SLC46A1: variants seen among roughly 807,000 people sequenced by gnomAD.
SLC46A1 encodes proton-coupled folate transporter.
A neutral mutation model predicts 32.1 loss-of-function variants in SLC46A1; 17 were observed. That is an observed-to-expected ratio of 0.53 (90% CI 0.36 to 0.79). SLC46A1 has a LOEUF of 0.79. Among genes scored for constraint, SLC46A1 ranks in the 30% least tolerant of loss-of-function variants. The pLI is 0.00. For missense variants in SLC46A1, 517 were observed against 588.2 expected (o/e 0.88, Z 1.25); for synonymous variants, 240 against 262.7 (o/e 0.91, Z 0.84).
At position 28,396,321 on chromosome 17, in the gene SLC46A1, C is replaced by T. The variant is rs1179473152; in HGVS notation, c.*3335G>A. 3 of 1,611,408 alleles carry T rather than the reference C, an allele frequency of 1.9e-6. No homozygotes were observed. In the African/African-American group the frequency reaches 4.0e-5, roughly 22 times the overall value. ...AGTTCCCCAGCCCTGCTGTGACTTCCATTTCCATCGTCCTTTCTGAAGGAA... is the reference window on the plus strand; with the variant it reads ...AGTTCCCCAGCCCTGCTGTGACTTCTATTTCCATCGTCCTTTCTGAAGGAA... On this transcript the variant is annotated 3_prime_UTR_variant, in exon 5 of 5. Transcript: ENST00000612814.
rs1555590947 is a variant in SLC46A1, at chr17:28,405,346, T to C, written c.351A>G (p.Leu117=). The change falls in exon 2 of 5, where the codon CTA becomes CTG. Residue 117 remains leucine, a synonymous_variant. Transcript: ENST00000612814. ...GCAGCAGGCCCAGCGAGGCCAGCAC[T>C]AGCAGCGGGCGGCGGCCCACACTGT... ...WSDSVGRRPL[L]VLASLGLLLQ... 3 of 1,589,436 alleles carry C rather than the reference T, an allele frequency of 1.9e-6. No homozygotes were observed. The highest frequency in any genetic ancestry group is 2.3e-5 in the South Asian group (2 of 87,324).
At position 28,400,659 on chromosome 17, in the gene SLC46A1, G is replaced by A; in HGVS notation, c.1273C>T (p.Pro425Ser). 2 of 1,613,690 alleles carry A rather than the reference G, an allele frequency of 1.2e-6. No homozygotes were observed. The highest frequency in any genetic ancestry group is 2.2e-5 in the East Asian group (1 of 44,880). ...PATLNFMKGF[P>S]FLLGAGLLLI... The stretch of plus-strand genomic sequence containing the variant: ...AGGAGGCCAGCTCCCAGGAGGAAGG[G>A]GAACCCCTTCATAAAGTTCAGAGTG... Residue 425 changes from proline to serine, a missense_variant, in exon 4 of 5, where the codon CCC becomes TCC. By Grantham distance (74) the Pro-to-Ser change is moderately conservative. Coordinates refer to ENST00000612814, the MANE Select transcript of SLC46A1 (RefSeq NM_080669.6).
In SLC46A1 at chr17:28,399,688, G is replaced by A. The variant is rs370669989; in HGVS notation, c.1348C>T (p.Leu450Phe). 81 of 1,613,994 alleles carry A rather than the reference G, an allele frequency of 5.0e-5. No homozygotes were observed. Among genetic ancestry groups the A allele is most frequent in the Non-Finnish European group, 6.2e-5 (73 of 1,179,894 alleles). ...IGMLEKADPH[L>F]EFQQFPQSP ...CTCTGGGGAAACTGCTGGAACTCGA[G>A]GTGAGGATCAGCCTTTTCCAGCATC... is the stretch of plus-strand genomic sequence containing the variant. The change falls in exon 5 of 5, where the codon CTC becomes TTC. Residue 450 changes from leucine (L) to phenylalanine (F), a missense_variant. Leu to Phe is a conservative substitution (Grantham distance 22). Transcript: ENST00000612814.
intron 1 of SLC46A1, 22 bp from the exon 2 acceptor site, chr17:28,405,490 G>C (rs1555591102): frequency 6.3e-7 from 1 of 1,592,014 alleles, no homozygotes; most frequent in South Asian, 1.1e-5. Flanking sequence ...CAATGACCAG[G>C]GTGCGGTTCC....
Position 28,405,967 on chromosome 17 carries a change from G to C in SLC46A1, c.148C>G (p.Arg50Gly). Reference protein sequence around the residue: ...GPLTTQYLWHRFSADLGYNGT... With the variant: ...GPLTTQYLWHGFSADLGYNGT... The stretch of plus-strand genomic sequence containing the variant: ...TTGTAGCCGAGGTCGGCGCTGAAGC[G>C]GTGCCACAGATACTGCGTGGTGAGC... Residue 50 changes from arginine to glycine, a missense_variant, in exon 1 of 5, where the codon CGC becomes GGC. By Grantham distance (125) the Arg-to-Gly change is moderately radical. Coordinates refer to ENST00000612814, the MANE Select transcript of SLC46A1 (RefSeq NM_080669.6). The C allele has an allele frequency of 1.2e-6, 2 of 1,611,770 alleles. No homozygotes were observed. Among genetic ancestry groups the C allele is most frequent in the Non-Finnish European group, 1.7e-6 (2 of 1,179,306 alleles).
chr17:28,405,806 TTA>T, intron 1 of SLC46A1, 79 bp downstream of exon 1: 1 of 1,412,152 alleles, frequency 7.1e-7, no homozygotes, highest in Non-Finnish European at 9.5e-7. Context: ...GCCACTACCA[TTA>T]CGCAGGCCCC....
In SLC46A1 at chr17:28,400,595, A is replaced by C; in HGVS notation, c.1322+15T>G. On this transcript the variant is annotated intron_variant, in intron 4 of 4. Transcript: ENST00000612814. ...AGGGCTCCATTATGAGCATGGGTTC[A>C]GGGCCCTGCATTACCCAATCAGAAC... 1 of 1,613,502 alleles carries C rather than the reference A, an allele frequency of 6.2e-7. No homozygotes were observed. Among genetic ancestry groups the C allele is most frequent in the Non-Finnish European group, 8.5e-7 (1 of 1,179,706 alleles).
At position 28,395,725 on chromosome 17, in the gene SLC46A1, A is replaced by T. The variant is rs1328686726; in HGVS notation, c.*3931T>A. 8.0e-6 allele frequency: 5 copies of T among 627,808 alleles called. No homozygotes were observed. Among genetic ancestry groups the T allele is most frequent in the Non-Finnish European group, 1.1e-5 (4 of 366,214 alleles). 38.9% of individuals were successfully genotyped at this position (627,808 alleles called of 1,614,324 possible). The stretch of plus-strand genomic sequence containing the variant: ...GCTCTGTGCCAGGAACTCTGGGCAA[A>T]GGAAAAATATTTATTTTTTATTACA... On this transcript the variant is annotated 3_prime_UTR_variant, in exon 5 of 5. Coordinates refer to ENST00000612814, the MANE Select transcript of SLC46A1 (RefSeq NM_080669.6).
chr17:28,400,776 A>G lies in SLC46A1; in HGVS notation c.1166-10T>C, dbSNP rs1555589438. The G allele has an allele frequency of 1.3e-6, 2 of 1,556,250 alleles. No individual in the cohort carries two copies. The highest frequency in any genetic ancestry group is 2.4e-5 in the South Asian group (2 of 84,566). On this transcript the variant is annotated splice_polypyrimidine_tract_variant and intron_variant, in intron 3 of 4. Transcript: ENST00000612814. ...GCAGAAAAGAGAGCACCTGTGAAGAAATAAATACCATACTCTGGAGTCCGA... is the reference window on the plus strand; with the variant it reads ...GCAGAAAAGAGAGCACCTGTGAAGAGATAAATACCATACTCTGGAGTCCGA...
intron 2 of SLC46A1, 180 bp downstream of exon 2, chr17:28,404,436 T>C (rs1302257226): frequency 4.1e-6 from 3 of 723,172 alleles, no homozygotes; most frequent in Admixed American, 5.1e-5. Context: ...ATATTTTCCA[T>C]GTATCAAAGA....
Position 28,396,074 on chromosome 17 carries a change from T to G in SLC46A1, c.*3582A>C, listed in dbSNP as rs554361394. 3 of 1,613,496 alleles carry G rather than the reference T, an allele frequency of 1.9e-6. No homozygotes were observed. In the African/African-American group the frequency reaches 4.0e-5, roughly 22 times the overall value. ...CAGGGGGGTAGGGTACAAATCACCA[T>G]GACAGGCAGAGTGTGGGCAAACAGC... On this transcript the variant is annotated 3_prime_UTR_variant, in exon 5 of 5. Coordinates refer to ENST00000612814, the MANE Select transcript of SLC46A1 (RefSeq NM_080669.6).
intron 3 of SLC46A1, chr17:28,401,137 C>T: frequency 3.0e-6 from 1 of 332,738 alleles, no homozygotes; most frequent in South Asian, 2.7e-5. Flanking sequence ...GGATTAACTG[C>T]TGGTCTGATC....
intron 4 of SLC46A1, 128 bp from the exon 5 acceptor site, chr17:28,399,841 A>G (rs2068174960): frequency 1.1e-5 from 9 of 853,192 alleles, no homozygotes; most frequent in African/African-American, 1.7e-5. Context: ...TCCTTCCCCA[A>G]GCTGAGAAGC....
rs781813444 is a variant in SLC46A1, at chr17:28,396,049, CA to C, written c.*3606del. 20 of 1,613,624 alleles carry C rather than the reference CA, an allele frequency of 1.2e-5. No individual in the cohort carries two copies. In the African/African-American group the frequency reaches 1.6e-4, roughly 13 times the overall value. On this transcript the variant is annotated 3_prime_UTR_variant, in exon 5 of 5. Coordinates refer to ENST00000612814, the MANE Select transcript of SLC46A1 (RefSeq NM_080669.6). Reference sequence around the variant, plus strand: ...CAAGTGAGCCCCAGGGCCCTGGGACCAGGGGGGTAGGGTACAAATCACCATG... The same window carrying C: ...CAAGTGAGCCCCAGGGCCCTGGGACCGGGGGGTAGGGTACAAATCACCATG...
At position 28,397,999 on chromosome 17, in the gene SLC46A1, T is replaced by A. The variant is rs2068151878; in HGVS notation, c.*1657A>T. ...CCCTGCCAGAGTCTGTCTTGGCCAG[T>A]GCCAGCCTCGATGCTTTGGTTTTGA... On this transcript the variant is annotated 3_prime_UTR_variant, in exon 5 of 5. Transcript: ENST00000612814. 1 of 152,478 alleles carries A rather than the reference T, an allele frequency of 6.6e-6. No homozygotes were observed. The highest frequency in any genetic ancestry group is 2.4e-5 in the African/African-American group (1 of 41,460). The allele number at this position is 152,478 out of a possible 1,614,324, so 9.4% of individuals were successfully genotyped here.
chr17:28,400,744 G>C lies in SLC46A1; in HGVS notation c.1188C>G (p.Ala396=), dbSNP rs1191244886. ...TEQGALFSAV[A]CVNSLAMLTA... is the part of the protein sequence containing the mutation. ...TCAGCATGGCCAGGCTATTCACACA[G>C]GCCACAGCAGAAAAGAGAGCACCTG... Residue 396 remains alanine (A), a synonymous_variant, in exon 4 of 5, where the codon GCC becomes GCG. Coordinates refer to ENST00000612814, the MANE Select transcript of SLC46A1 (RefSeq NM_080669.6). 1.3e-5 allele frequency: 20 copies of C among 1,584,988 alleles called. No homozygotes were observed. The highest frequency in any genetic ancestry group is 1.5e-5 in the Non-Finnish European group (18 of 1,165,572).
rs1393672324 is a variant in SLC46A1 at position 28,400,700 on chromosome 17, T to C, written c.1232A>G (p.Asn411Ser). ...LAMLTASGIF[N>S]SLYPATLNFM... is the part of the protein sequence containing the mutation. ...GTTCAGAGTGGCTGGGTAGAGTGAG[T>C]TGAAGATGCCGGAGGCCGTCAGCAT... The change falls in exon 4 of 5, where the codon AAC becomes AGC. Residue 411 changes from asparagine to serine, a missense_variant. Asn to Ser is a conservative substitution (Grantham distance 46). Transcript: ENST00000612814. 3.5e-5 allele frequency: 57 copies of C among 1,610,628 alleles called. No homozygotes were observed. The highest frequency in any genetic ancestry group is 4.4e-5 in the Non-Finnish European group (52 of 1,178,764).
At position 28,404,952 on chromosome 17, in the gene SLC46A1, G is replaced by A; in HGVS notation, c.745C>T (p.Arg249Ter). The A allele has an allele frequency of 6.2e-7, 1 of 1,614,058 alleles. No individual in the cohort carries two copies. Among genetic ancestry groups the A allele is most frequent in the Non-Finnish European group, 8.5e-7 (1 of 1,179,898 alleles). The change falls in exon 2 of 5, where the codon CGA (arginine) becomes TGA (stop). Residue 249 changes from arginine to a stop codon, truncating the protein, a stop_gained. Transcript: ENST00000612814. LOFTEE classifies it high-confidence loss of function. Reference sequence around the variant, plus strand: ...GCCACATAGAGCTGGACAATGGATCGGTGGTGACGGAACGTGAAGAGCCGG... The same window carrying A: ...GCCACATAGAGCTGGACAATGGATCAGTGGTGACGGAACGTGAAGAGCCGG... ...STRLFTFRHHRSIVQLYVAPA... is the reference protein window; with the variant it reads ...STRLFTFRHH
chr17:28,406,375 A>G (rs2068262801), upstream of SLC46A1: 2 of 390,408 alleles, frequency 5.1e-6, no homozygotes, highest in Non-Finnish European at 9.0e-6. The surrounding 1 kb of genome is among the most constrained non-coding windows in gnomAD (Gnocchi z 4.5). Context: ...GTGCGTAGAC[A>G]CCGCCCTGCA....
Sources: gnomAD v4.1 joint callset for allele counts on GRCh38, gnomAD v4.1.1 for gene constraint, Gnocchi (gnomAD v3.1) non-coding constraint, MANE v1.5 for transcripts, NCBI Gene and HGNC (gene_info 2026-07-23, HGNC 2026-07-21) for gene names.